Variants in GBF1 observed in about 807,000 individuals in gnomAD.
GBF1 encodes the protein golgi brefeldin A resistant guanine nucleotide exchange factor 1.
In GBF1, 114 loss-of-function variants were observed where a neutral mutation model predicts 210.5. The observed-to-expected ratio is 0.54, with a 90% CI of 0.47 to 0.63. The LOEUF (loss-of-function observed/expected upper bound fraction) is 0.63, where lower values mean the gene tolerates loss of function less well. Ranked by LOEUF, GBF1 falls within the 30% of genes least tolerant of loss-of-function variation. GBF1 has a pLI of 0.00. For synonymous variants in GBF1, 850 were observed against 889.2 expected (o/e 0.96, Z 0.78); for missense variants, 1,851 against 2,357.7 (o/e 0.79, Z 4.45).
Position 102,363,150 on chromosome 10 carries a change from G to A in GBF1, c.1877-106G>A, listed in dbSNP as rs1186058258. On this transcript the variant is annotated intron_variant, in intron 15 of 39. Coordinates refer to ENST00000369983, the MANE Select transcript of GBF1 (RefSeq NM_001377137.1). This position sits in a 1 kb window ranked among gnomAD's most constrained non-coding sequence, Gnocchi z 4.2. ...TTGTCCTGCTCAGGGCTGGCGCCCT[G>A]TGCAGGAACCATGCAGGTCTTCTGG... 2 of 1,074,086 alleles carry A rather than the reference G, an allele frequency of 1.9e-6. No homozygotes were observed. Among genetic ancestry groups the A allele is most frequent in the African/African-American group, 1.6e-5 (1 of 63,188 alleles). 66.5% of individuals were successfully genotyped at this position (1,074,086 alleles called of 1,614,324 possible).
chr10:102,268,572 A>G (rs1029613145), intron 3 of GBF1, among the ~76,000 whole-genome samples: 21 of 152,192 alleles, frequency 1.4e-4, no homozygotes, highest in Non-Finnish European at 2.9e-4. Flanking sequence ...ATGAGTAAAA[A>G]GAAAGCCAGC....
chr10:102,313,069 G>A (rs1589597987), intron 3 of GBF1, among the ~76,000 whole-genome samples: 1 of 152,128 alleles, frequency 6.6e-6, no homozygotes, highest in East Asian at 1.9e-4. Context: ...GCAGGGCCAA[G>A]AAAGTAGTTC....
chr10:102,351,973 C>A, intron 6 of GBF1, 22 bp downstream of exon 6: 2 of 1,254,362 alleles, frequency 1.6e-6, no homozygotes, highest in African/African-American at 1.5e-5. Flanking sequence ...GATATTAGCC[C>A]CTTCACCATT....
chr10:102,310,770 C>G (rs1338535979), intron 3 of GBF1, among the ~76,000 whole-genome samples: 1 of 152,194 alleles, frequency 6.6e-6, no homozygotes, highest in Admixed American at 6.5e-5. Flanking sequence ...GTTGCTCTTG[C>G]TAAATATACA....
intron 29 of GBF1, among the ~76,000 whole-genome samples, chr10:102,373,545 G>A (rs938102458): frequency 6.6e-6 from 1 of 152,214 alleles, no homozygotes; most frequent in African/African-American, 2.4e-5. Context: ...ACTCCTGCCT[G>A]GGTGACAGAG....
At chr10:102,332,376 C>T (rs2057398263) in intron 3 of GBF1, among the ~76,000 whole-genome samples, 1 of 144,004 alleles carries the variant, frequency 6.9e-6, no homozygotes, top group Non-Finnish European at 1.5e-5. Context: ...AGAGGGTCAA[C>T]TGTAATTTGC....
intron 1 of GBF1, among the ~76,000 whole-genome samples, chr10:102,249,675 CT>C (rs1485129603): frequency 2.7e-5 from 4 of 149,294 alleles, no homozygotes; most frequent in Admixed American, 6.7e-5. Context: ...AGCTCTGCAT[CT>C]TTAGTGTTTC....
chr10:102,381,349 G>T (rs1314992950), intron 39 of GBF1, 94 bp downstream of exon 39: 5 of 1,330,296 alleles, frequency 3.8e-6, no homozygotes, highest in African/African-American at 2.9e-5. Context: ...GCTGAGCAGG[G>T]TCTGTGAGCC....
chr10:102,262,325 T>C (rs566660575), intron 3 of GBF1, among the ~76,000 whole-genome samples: 1 of 152,338 alleles, frequency 6.6e-6, no homozygotes, highest in East Asian at 1.9e-4. Flanking sequence ...CTTTAGAATG[T>C]TGGCTACTTG....
chr10:102,293,771 G>GTTTTTTTTTTTTTTTTTTTTT (rs56722082), intron 3 of GBF1, among the ~76,000 whole-genome samples: 1 of 22,906 alleles, frequency 4.4e-5, no homozygotes, highest in African/African-American at 2.2e-4. Context: ...TATGTTTTGT[G>GTTTTTTTTTTTTTTTTTTTTT]TTTTTTTTTT....
intron 6 of GBF1, 107 bp from the exon 7 acceptor site, chr10:102,352,351 G>A (rs553897128): frequency 1.4e-5 from 11 of 808,594 alleles, no homozygotes; most frequent in Non-Finnish European, 2.4e-5. Context: ...AATAAGTTTG[G>A]CATAATCCTT....
intron 3 of GBF1, among the ~76,000 whole-genome samples, chr10:102,274,673 T>C (rs2074753954): frequency 6.7e-6 from 1 of 149,504 alleles, no homozygotes; most frequent in African/African-American, 2.5e-5. Context: ...TTTTAGGACA[T>C]TGAAGTCTAC....
rs191434845 is a variant in GBF1 at position 102,307,831 on chromosome 10, T to C, written c.164-36220T>C. ...AAAAACAAAAAATCAGATTTCCCAG[T>C]AGGAAAATGGGAGAAAGACTTGAAC... On this transcript the variant is annotated intron_variant, in intron 3 of 39. Coordinates refer to ENST00000369983, the MANE Select transcript of GBF1 (RefSeq NM_001377137.1). Among the ~76,000 whole-genome samples, 273 of 151,196 alleles carry C rather than the reference T, an allele frequency of 1.8e-3. 2 individuals carry two copies. In the East Asian group the frequency reaches 0.025, roughly 14 times the overall value.
At chr10:102,284,956 C>G (rs1329678849) in intron 3 of GBF1, among the ~76,000 whole-genome samples, 1 of 152,052 alleles carries the variant, frequency 6.6e-6, no homozygotes, top group Non-Finnish European at 1.5e-5. Context: ...TATATAGCTT[C>G]AAAAGCTTTT....
At chr10:102,249,688 C>T (rs2071258330) in intron 1 of GBF1, among the ~76,000 whole-genome samples, 1 of 149,814 alleles carries the variant, frequency 6.7e-6, no homozygotes, top group African/African-American at 2.4e-5. Context: ...TAGTGTTTCT[C>T]TGGCTTTTTT....
chr10:102,288,905 A>G (rs2076210906), intron 3 of GBF1, among the ~76,000 whole-genome samples: 1 of 152,072 alleles, frequency 6.6e-6, no homozygotes, highest in African/African-American at 2.4e-5. Flanking sequence ...GTTTGAGACC[A>G]GCCTGGCTAA....
Position 102,361,718 on chromosome 10 carries a change from A to G in GBF1, c.1492A>G (p.Met498Val). The change falls in exon 14 of 40, where the codon ATG (methionine) becomes GTG (valine). Residue 498 changes from methionine (M) to valine (V), a missense_variant and splice_region_variant. Physicochemically the swap from Met to Val is conservative, Grantham distance 21 (BLOSUM62 1). Around this residue, in one of 3 missense-constraint regions of GBF1, gnomAD observed 804 missense variants for 958.6 expected, o/e 0.84. Transcript: ENST00000369983. ...ATGGCAATTACTGGGTTATTGCCAGATGTACATCAAAAAGCTTATGGAGAT... is the reference window on the plus strand; with the variant it reads ...ATGGCAATTACTGGGTTATTGCCAGGTGTACATCAAAAAGCTTATGGAGAT... ...MREHLKFQME[M>V]YIKKLMEIIT... The G allele has an allele frequency of 6.4e-7, 1 of 1,570,368 alleles. No homozygotes were observed. The highest frequency in any genetic ancestry group is 8.6e-7 in the Non-Finnish European group (1 of 1,157,628).
chr10:102,315,810 A>G (rs1198982639), intron 3 of GBF1, among the ~76,000 whole-genome samples: 1 of 152,120 alleles, frequency 6.6e-6, no homozygotes, highest in Non-Finnish European at 1.5e-5. Flanking sequence ...TGCTGTAGGT[A>G]ACAGAAAAGC....
intron 3 of GBF1, among the ~76,000 whole-genome samples, chr10:102,275,628 G>A (rs947831238): frequency 1.3e-5 from 2 of 152,128 alleles, no homozygotes; most frequent in African/African-American, 2.4e-5. Flanking sequence ...ATGGCTTATC[G>A]TGTTCTGAAT....
Sources: gnomAD v4.1 joint callset for allele counts (sites outside exome capture counted in the v4.1 genomes callset) on GRCh38, gnomAD v4.1.1 for gene constraint, gnomAD v4.1.1 regional missense constraint, Gnocchi (gnomAD v3.1) non-coding constraint, MANE v1.5 for transcripts, NCBI Gene and HGNC (gene_info 2026-07-23, HGNC 2026-07-21) for gene names.